GYS2: variants seen among roughly 807,000 people sequenced by gnomAD.
GYS2 encodes glycogen synthase 2.
In GYS2, 80 loss-of-function variants were observed where a neutral mutation model predicts 85.6. The ratio of observed to expected loss-of-function variants is 0.93; its 90% CI spans 0.78 to 1.13. The LOEUF is 1.13. Ranked by LOEUF, GYS2 falls within the 50% of genes most tolerant of loss-of-function variation. The pLI is 0.00. For synonymous variants in GYS2, 328 were observed against 300.7 expected, an observed-to-expected ratio of 1.09 and a Z score of -0.94; for missense variants, 881 against 854.9, an observed-to-expected ratio of 1.03 and a Z score of -0.38.
intron 1 of GYS2, among the ~76,000 whole-genome samples, chr12:21,591,556 G>C (rs955407023): frequency 3.9e-5 from 6 of 152,114 alleles, no homozygotes; most frequent in Non-Finnish European, 8.8e-5. Context: ...AACATGAAAG[G>C]TGTAGGAAAC....
intron 1 of GYS2, among the ~76,000 whole-genome samples, chr12:21,592,223 A>G (rs1372348257): frequency 2.0e-5 from 3 of 151,952 alleles, no homozygotes; most frequent in Admixed American, 2.0e-4. Flanking sequence ...ACACAAAACA[A>G]ACAAACTAAA....
chr12:21,579,218 T>C (rs1944479876), intron 2 of GYS2, among the ~76,000 whole-genome samples: 1 of 152,188 alleles, frequency 6.6e-6, no homozygotes, highest in Non-Finnish European at 1.5e-5. Context: ...ACCAATAGCC[T>C]AGTGGCTTAA....
At position 21,562,996 on chromosome 12, in the gene GYS2, A is replaced by T; in HGVS notation, c.984T>A (p.Ile328=). 1.2e-6 allele frequency: 2 copies of T among 1,613,286 alleles called. No individual in the cohort carries two copies. Among genetic ancestry groups the T allele is most frequent in the Non-Finnish European group, 1.7e-6 (2 of 1,179,366 alleles). Residue 328 remains isoleucine, a synonymous_variant, in exon 7 of 16, where the codon ATT becomes ATA. Coordinates refer to ENST00000261195, the MANE Select transcript of GYS2 (RefSeq NM_021957.4). ...FDLEKTLFLF[I]AGRYEFSNKG... is the part of the protein sequence containing the mutation. ...TGTTTGAAAACTCATACCTCCCAGC[A>T]ATGAAAAGGAACAAAGTCTTTTCAA...
intron 2 of GYS2, among the ~76,000 whole-genome samples, chr12:21,580,091 A>G (rs530159183): frequency 2.6e-4 from 39 of 152,350 alleles, no homozygotes; most frequent in Admixed American, 3.9e-4. Flanking sequence ...CAGTTTATGT[A>G]CAAATGACTT....
chr12:21,542,455 G>A (rs1049589339), intron 13 of GYS2, 41 bp downstream of exon 13: 3 of 1,233,572 alleles, frequency 2.4e-6, no homozygotes, highest in Non-Finnish European at 1.2e-6. Flanking sequence ...TTGGTTAGAG[G>A]TCATGTCTCC....
chr12:21,594,995 AAAG>A (rs1285165608), intron 1 of GYS2, among the ~76,000 whole-genome samples: 1 of 152,196 alleles, frequency 6.6e-6, no homozygotes, highest in Non-Finnish European at 1.5e-5. Context: ...TACATTGAGG[AAAG>A]GACACAGTGT....
chr12:21,542,453 A>C, intron 13 of GYS2, 43 bp downstream of exon 13: 2 of 1,173,494 alleles, frequency 1.7e-6, no homozygotes, highest in Non-Finnish European at 2.6e-6. Flanking sequence ...GTTTGGTTAG[A>C]GGTCATGTCT....
chr12:21,542,745 A>G (rs534773904), intron 12 of GYS2, among the ~76,000 whole-genome samples, 154 bp from the exon 13 acceptor site: 1 of 152,320 alleles, frequency 6.6e-6, no homozygotes, highest in Non-Finnish European at 1.5e-5. Flanking sequence ...TCACTAACTT[A>G]TTTAATCTCT....
chr12:21,582,578 T>C (rs1186304823), intron 1 of GYS2, among the ~76,000 whole-genome samples: 1 of 143,826 alleles, frequency 7.0e-6, no homozygotes, highest in African/African-American at 2.5e-5. Context: ...GATATAGATA[T>C]AGAGATAGAT....
chr12:21,547,799 G>A (rs1436808767), intron 11 of GYS2, among the ~76,000 whole-genome samples: 5 of 152,114 alleles, frequency 3.3e-5, no homozygotes, highest in East Asian at 1.9e-4. Context: ...TCATCTACTG[G>A]AACAAATATA....
chr12:21,570,255 C>A (rs1944370414), intron 4 of GYS2, among the ~76,000 whole-genome samples: 1 of 152,132 alleles, frequency 6.6e-6, no homozygotes, highest in African/African-American at 2.4e-5. Flanking sequence ...ATGTGGCCAG[C>A]CTAATTAATG....
At chr12:21,596,796 G>A (rs1026359611) in intron 1 of GYS2, among the ~76,000 whole-genome samples, 1 of 152,142 alleles carries the variant, frequency 6.6e-6, no homozygotes, top group Admixed American at 6.6e-5. Context: ...AATCAGTAAA[G>A]AGGAAGTCAA....
intron 1 of GYS2, among the ~76,000 whole-genome samples, chr12:21,594,263 G>GAGAA (rs561327788): frequency 3.7e-3 from 558 of 152,102 alleles, no homozygotes; most frequent in Non-Finnish European, 6.2e-3. Flanking sequence ...TTTCAGGTCA[G>GAGAA]AGAAAGAAAG....
intron 14 of GYS2, among the ~76,000 whole-genome samples, chr12:21,540,111 A>G (rs547088907): frequency 6.9e-4 from 105 of 152,314 alleles, no homozygotes; most frequent in African/African-American, 2.5e-3. Context: ...GTTTTCTTCA[A>G]CTTCATAAAA....
At chr12:21,566,510 G>C (rs532101257) in intron 5 of GYS2, among the ~76,000 whole-genome samples, 1 of 152,286 alleles carries the variant, frequency 6.6e-6, no homozygotes, top group East Asian at 1.9e-4. Flanking sequence ...CCAGATTGCA[G>C]TGTTTATGGT....
chr12:21,563,807 A>G (rs10770836), intron 5 of GYS2, among the ~76,000 whole-genome samples: 110,723 of 152,012 alleles, frequency 0.73, 40,561 homozygotes, highest in South Asian at 0.79. Context: ...ACAGCTGGTA[A>G]GTCGAAGCAG....
chr12:21,591,676 T>C (rs1487741167), intron 1 of GYS2, among the ~76,000 whole-genome samples: 1 of 152,058 alleles, frequency 6.6e-6, no homozygotes, highest in Non-Finnish European at 1.5e-5. Flanking sequence ...AAAGCTCTTC[T>C]CCACAGCACA....
downstream of GYS2, among the ~76,000 whole-genome samples, chr12:21,533,408 T>A (rs1001582206): frequency 6.6e-6 from 1 of 152,206 alleles, no homozygotes; most frequent in African/African-American, 2.4e-5. Context: ...TGAATTACAT[T>A]ATTTTATCTT....
chr12:21,572,946 C>T (rs1400448294), intron 4 of GYS2, among the ~76,000 whole-genome samples: 3 of 152,206 alleles, frequency 2.0e-5, no homozygotes, highest in Non-Finnish European at 4.4e-5. Context: ...CAGCTTATCA[C>T]AGATCACTGG....
Sources: gnomAD v4.1 joint callset for allele counts (sites outside exome capture counted in the v4.1 genomes callset) on GRCh38, gnomAD v4.1.1 for gene constraint, MANE v1.5 for transcripts, NCBI Gene and HGNC (gene_info 2026-07-23, HGNC 2026-07-21) for gene names.